The following NFX1 variants were observed in gnomAD, a reference collection of about 807,000 sequenced individuals.
The protein encoded by NFX1 is nuclear transcription factor, X-box binding 1.
In NFX1, 69 loss-of-function variants were observed where a neutral mutation model predicts 137.2. That is an observed-to-expected ratio of 0.50 (90% CI 0.41 to 0.61). The LOEUF (loss-of-function observed/expected upper bound fraction) is 0.61. Ranked by LOEUF, NFX1 falls within the 20% of genes least tolerant of loss-of-function variation. The pLI is 0.00. For synonymous variants in NFX1, 495 were observed against 474.1 expected (o/e 1.04, Z -0.57); for missense variants, 1,167 against 1,391.0 (o/e 0.84, Z 2.56).
intron 11 of NFX1, among the ~76,000 whole-genome samples, chr9:33,333,193 A>AAAAT (rs1230287938): frequency 5.9e-5 from 9 of 152,322 alleles, no homozygotes; most frequent in Middle Eastern, 3.4e-3. Flanking sequence ...AAGCCATTTT[A>AAAAT]AAACCTTTTT....
At position 33,347,086 on chromosome 9, in the gene NFX1, TA is replaced by T; in HGVS notation, c.2395del (p.Thr799LeufsTer81). On this transcript the variant is annotated frameshift_variant, in exon 15 of 24. Transcript: ENST00000379540. LOFTEE classifies it high-confidence loss of function. ...GAGAAGTGTCCCCCTTGCACTTTCCTAACTCAGAAGTGGTGCATGGGCAAGC... is the reference window on the plus strand; with the variant it reads ...GAGAAGTGTCCCCCTTGCACTTTCCTACTCAGAAGTGGTGCATGGGCAAGC... ...SEEKCPPCTF[L>X]TQKWCMGKHE... is the part of the protein sequence containing the mutation. 1 of 1,613,704 alleles carries T rather than the reference TA, an allele frequency of 6.2e-7. No individual in the cohort carries two copies. Among genetic ancestry groups the T allele is most frequent in the South Asian group, 1.1e-5 (1 of 91,056 alleles).
Position 33,342,740 on chromosome 9 carries a change from TC to T in NFX1, c.2116-3del. The T allele has an allele frequency of 6.3e-7, 1 of 1,593,162 alleles. No homozygotes were observed. The highest frequency in any genetic ancestry group is 1.1e-5 in the South Asian group (1 of 87,546). On this transcript the variant is annotated splice_region_variant and splice_polypyrimidine_tract_variant and intron_variant, in intron 12 of 23. Transcript: ENST00000379540. ...TTTATGAACAAATATAAATCTCTTT[TC>T]CCAGGATAAGGAGCACAAGTGTCCT...
chr9:33,294,676 A>G lies in NFX1; in HGVS notation c.282A>G (p.Lys94=). ...QTSFQSSPCN[K]SPKSHGLQNQ... is the part of the protein sequence containing the mutation. The stretch of plus-strand genomic sequence containing the variant: ...CTTTCCAGTCCTCTCCTTGTAATAA[A>G]TCGCCCAAGAGCCATGGCCTTCAGA... Residue 94 remains lysine (K), a synonymous_variant, in exon 2 of 24, where the codon AAA becomes AAG. Transcript: ENST00000379540. The G allele has an allele frequency of 6.2e-7, 1 of 1,614,060 alleles. No homozygotes were observed. The highest frequency in any genetic ancestry group is 2.2e-5 in the East Asian group (1 of 44,898).
intron 6 of NFX1, among the ~76,000 whole-genome samples, chr9:33,312,740 A>G (rs1298543653): frequency 1.3e-5 from 2 of 152,188 alleles, no homozygotes; most frequent in Admixed American, 1.3e-4. Context: ...GTGTGGTGAC[A>G]CGTGCCTGTA....
At chr9:33,318,232 T>TA (rs1299670069) in intron 7 of NFX1, among the ~76,000 whole-genome samples, 1 of 152,162 alleles carries the variant, frequency 6.6e-6, no homozygotes, top group African/African-American at 2.4e-5. Context: ...GTGTTTTATG[T>TA]AAAACCTGAC....
chr9:33,319,063 A>G lies in NFX1; in HGVS notation c.1842A>G (p.Thr614=), dbSNP rs201693581. ...LLELGSSSRK[T]CMDPVPSCGK... is the part of the protein sequence containing the mutation. Reference sequence around the variant, plus strand: ...AACTTGGAAGTAGTAGTCGGAAAACATGCATGGACCCTGTGCCTTCATGTG... The same window carrying G: ...AACTTGGAAGTAGTAGTCGGAAAACGTGCATGGACCCTGTGCCTTCATGTG... Residue 614 remains threonine (T), a synonymous_variant, in exon 9 of 24, where the codon ACA becomes ACG. Coordinates refer to ENST00000379540, the MANE Select transcript of NFX1 (RefSeq NM_002504.6). 1.2e-6 allele frequency: 2 copies of G among 1,614,234 alleles called. No individual in the cohort carries two copies. Among genetic ancestry groups the G allele is most frequent in the Non-Finnish European group, 1.7e-6 (2 of 1,180,042 alleles).
At chr9:33,333,058 C>G (rs1279286679) in intron 11 of NFX1, among the ~76,000 whole-genome samples, 1 of 152,176 alleles carries the variant, frequency 6.6e-6, no homozygotes, top group Non-Finnish European at 1.5e-5. Flanking sequence ...GTTGGCCAGG[C>G]TGGTCTCTAA....
In NFX1 at chr9:33,342,826, T is replaced by C. The variant is rs1340398067; in HGVS notation, c.2196T>C (p.Arg732=). The stretch of plus-strand genomic sequence containing the variant: ...ATAGGTGTGAAGAACCTTGTCATCG[T>C]GGAAACTGCCAGACATGCTGGCAAG... ...GLHRCEEPCH[R]GNCQTCWQAS... Residue 732 remains arginine (R), a synonymous_variant, in exon 13 of 24, where the codon CGT becomes CGC. Coordinates refer to ENST00000379540, the MANE Select transcript of NFX1 (RefSeq NM_002504.6). 1 of 1,613,416 alleles carries C rather than the reference T, an allele frequency of 6.2e-7. No individual in the cohort carries two copies. Among genetic ancestry groups the C allele is most frequent in the East Asian group, 2.2e-5 (1 of 44,870 alleles).
intron 19 of NFX1, among the ~76,000 whole-genome samples, chr9:33,356,633 C>T (rs936927108): frequency 2.0e-5 from 3 of 152,136 alleles, no homozygotes; most frequent in African/African-American, 7.2e-5. Flanking sequence ...TTTTACCTTT[C>T]ACATTTTAAA....
chr9:33,323,804 T>G (rs1822476942), intron 9 of NFX1, among the ~76,000 whole-genome samples: 2 of 151,544 alleles, frequency 1.3e-5, no homozygotes, highest in Admixed American at 6.6e-5. Flanking sequence ...TTCAAAGAAT[T>G]GAAGGGAAAC....
intron 15 of NFX1, 52 bp from the exon 16 acceptor site, chr9:33,351,508 C>G (rs1823634268): frequency 3.9e-6 from 6 of 1,544,384 alleles, no homozygotes; most frequent in Non-Finnish European, 5.4e-6. Flanking sequence ...AGTTAAAACT[C>G]ACCCCAAATC....
chr9:33,370,832 T>A lies in NFX1; in HGVS notation c.*854T>A, dbSNP rs1824304429. The A allele has an allele frequency of 6.6e-6, 1 of 152,448 alleles. No individual in the cohort carries two copies. Among genetic ancestry groups the A allele is most frequent in the Non-Finnish European group, 1.5e-5 (1 of 68,234 alleles). The allele number at this position is 152,448 out of a possible 1,614,324, so 9.4% of individuals were successfully genotyped here. ...GTCTCAAATGGACAACTGTCCTGTG[T>A]TGCTTTCCCTAGGCCTTCAGCAGCC... On this transcript the variant is annotated 3_prime_UTR_variant, in exon 24 of 24. Transcript: ENST00000379540.
chr9:33,360,350 C>T (rs541082345), intron 19 of NFX1, among the ~76,000 whole-genome samples: 5 of 152,154 alleles, frequency 3.3e-5, no homozygotes, highest in African/African-American at 4.8e-5. Flanking sequence ...ATGACAATAA[C>T]AGTATTTACC....
intron 9 of NFX1, among the ~76,000 whole-genome samples, chr9:33,321,169 A>G (rs1017798494): frequency 6.6e-6 from 1 of 152,152 alleles, no homozygotes; most frequent in African/African-American, 2.4e-5. Context: ...TGATGAGAGA[A>G]GAAGGAAATG....
At position 33,351,791 on chromosome 9, in the gene NFX1, G is replaced by A. The variant is rs1246170881; in HGVS notation, c.2655+1G>A. ...CCCTGTGACTGCTTGTAAAGCTAAG[G>A]TGGGTATTTCTGGCCACAGATGCAG... On this transcript the variant is annotated splice_donor_variant, in intron 16 of 23. Transcript: ENST00000379540. LOFTEE classifies it high-confidence loss of function. 3 of 1,570,834 alleles carry A rather than the reference G, an allele frequency of 1.9e-6. No individual in the cohort carries two copies. Among genetic ancestry groups the A allele is most frequent in the South Asian group, 2.4e-5 (2 of 83,382 alleles).
Position 33,366,725 on chromosome 9 carries a change from G to C in NFX1, c.3136G>C (p.Val1046Leu). 6.2e-7 allele frequency: 1 copy of C among 1,614,190 alleles called. No individual in the cohort carries two copies. Among genetic ancestry groups the C allele is most frequent in the Non-Finnish European group, 8.5e-7 (1 of 1,180,048 alleles). Residue 1046 changes from valine (V) to leucine (L), a missense_variant, in exon 22 of 24, where the codon GTG becomes CTG. Coordinates refer to ENST00000379540, the MANE Select transcript of NFX1 (RefSeq NM_002504.6). The part of the protein sequence containing the change: ...DLAQVYGLES[V>L]SYDSEPKRNV... Reference sequence around the variant, plus strand: ...GGCCCAAGTTTATGGCCTGGAGAGCGTGAGCTATGACAGTGAACCGAAGCG... The same window carrying C: ...GGCCCAAGTTTATGGCCTGGAGAGCCTGAGCTATGACAGTGAACCGAAGCG...
chr9:33,326,234 G>A (rs559483547), intron 9 of NFX1, among the ~76,000 whole-genome samples: 4 of 152,138 alleles, frequency 2.6e-5, no homozygotes, highest in Non-Finnish European at 5.9e-5. Flanking sequence ...CCAACATGGT[G>A]AAACTCCGTT....
chr9:33,305,720 T>G (rs541280296), intron 4 of NFX1, among the ~76,000 whole-genome samples: 4 of 152,224 alleles, frequency 2.6e-5, no homozygotes, highest in Non-Finnish European at 5.9e-5. Flanking sequence ...CAAAGTTTCA[T>G]GCTTTTGGAA....
chr9:33,367,525 G>A lies in NFX1; in HGVS notation c.3196G>A (p.Val1066Ile), dbSNP rs144787339. 3.4e-4 allele frequency: 548 copies of A among 1,613,798 alleles called. No individual in the cohort carries two copies. Among genetic ancestry groups the A allele is most frequent in the Non-Finnish European group, 4.2e-4 (493 of 1,179,786 alleles). Residue 1066 changes from valine (V) to isoleucine (I), a missense_variant, in exon 23 of 24, where the codon GTT becomes ATT. Transcript: ENST00000379540. ...TTTGACTTTTATCAGGGGGAAGTCCGTTTGTCCTCCTACCACGCTGACAGG... is the reference window on the plus strand; with the variant it reads ...TTTGACTTTTATCAGGGGGAAGTCCATTTGTCCTCCTACCACGCTGACAGG... Reference protein sequence around the residue: ...VVVTAIRGKSVCPPTTLTGVL... With the variant: ...VVVTAIRGKSICPPTTLTGVL...
Sources: gnomAD v4.1 joint callset for allele counts (sites outside exome capture counted in the v4.1 genomes callset) on GRCh38, gnomAD v4.1.1 for gene constraint, MANE v1.5 for transcripts, NCBI Gene and HGNC (gene_info 2026-07-23, HGNC 2026-07-21) for gene names.